Variants in RINT1 observed in about 807,000 individuals in gnomAD.
RINT1 encodes the protein RAD50 interactor 1, also known as RAD50-interacting protein 1.
In RINT1, 75 loss-of-function variants were observed where a neutral mutation model predicts 97.7. The observed-to-expected ratio is 0.77, with a 90% CI of 0.64 to 0.93. The LOEUF (loss-of-function observed/expected upper bound fraction) is 0.93, where lower values mean the gene tolerates loss of function less well. RINT1 is among the 40% of genes least tolerant of loss of function. RINT1 has a pLI of 0.00. For synonymous variants in RINT1, 303 were observed against 326.3 expected, an observed-to-expected ratio of 0.93 and a Z score of 0.77; for missense variants, 892 against 925.2, an observed-to-expected ratio of 0.96 and a Z score of 0.47.
rs757339645 is a variant in RINT1, at chr7:105,555,166, G to A, written c.1610G>A (p.Cys537Tyr). Residue 537 changes from cysteine (C) to tyrosine (Y), a missense_variant, in exon 11 of 15, where the codon TGT becomes TAT. Physicochemically the swap from Cys to Tyr is radical, Grantham distance 194. Transcript: ENST00000257700. The stretch of plus-strand genomic sequence containing the variant: ...AGAGCTTCCCTTGGCTTTCGATACT[G>A]TGCAATTCTTAATGCTGTGAACTAC... ...ETRASLGFRY[C>Y]AILNAVNYIS... 3 of 1,614,076 alleles carry A rather than the reference G, an allele frequency of 1.9e-6. No individual in the cohort carries two copies. The highest frequency in any genetic ancestry group is 3.3e-5 in the Admixed American group (2 of 60,008).
chr7:105,541,351 G>C (rs1185419043), intron 3 of RINT1, among the ~76,000 whole-genome samples: 1 of 150,808 alleles, frequency 6.6e-6, no homozygotes, highest in East Asian at 2.0e-4. Flanking sequence ...TGGCCAGGCT[G>C]GTCTTGAACT....
At chr7:105,540,208 T>C (rs922737425) in intron 3 of RINT1, among the ~76,000 whole-genome samples, 1 of 151,732 alleles carries the variant, frequency 6.6e-6, no homozygotes, top group Non-Finnish European at 1.5e-5. Context: ...GCCTCCTGAA[T>C]AGCTGGGATT....
chr7:105,553,256 G>A (rs547767825), intron 10 of RINT1, among the ~76,000 whole-genome samples: 44 of 149,144 alleles, frequency 3.0e-4, no homozygotes, highest in African/African-American at 8.9e-4. Context: ...ACAGAATTTC[G>A]CTCTTGTCAC....
Position 105,542,547 on chromosome 7 carries a change from C to T in RINT1, c.413C>T (p.Ala138Val), listed in dbSNP as rs150793856. ...FSAINSHLLT[A>V]QPWMDDLGTM... ...GCCATTAACAGCCATTTGCTGACTGCGCAACCTTGGATGGACGATCTTGGA... is the reference window on the plus strand; with the variant it reads ...GCCATTAACAGCCATTTGCTGACTGTGCAACCTTGGATGGACGATCTTGGA... Residue 138 changes from alanine to valine, a missense_variant, in exon 4 of 15, where the codon GCG becomes GTG. Transcript: ENST00000257700. 1,259 of 1,614,134 alleles carry T rather than the reference C, an allele frequency of 7.8e-4. 1 individual carries two copies. The highest frequency in any genetic ancestry group is 9.7e-4 in the Non-Finnish European group (1,146 of 1,180,030).
chr7:105,557,450 A>G (rs969232107), intron 11 of RINT1, among the ~76,000 whole-genome samples: 1 of 152,162 alleles, frequency 6.6e-6, no homozygotes, highest in Non-Finnish European at 1.5e-5. Context: ...ATATCTGTAC[A>G]TTATCTTAAT....
At chr7:105,548,915 C>G (rs1790802739) in intron 7 of RINT1, among the ~76,000 whole-genome samples, 1 of 151,934 alleles carries the variant, frequency 6.6e-6, no homozygotes. Flanking sequence ...TATTTCCGCT[C>G]TTGGGCATCA....
rs750282703 is a variant in RINT1 at position 105,567,221 on chromosome 7, A to G, written c.2289A>G (p.Ala763=). 1 of 1,613,632 alleles carries G rather than the reference A, an allele frequency of 6.2e-7. No homozygotes were observed. The highest frequency in any genetic ancestry group is 1.1e-5 in the South Asian group (1 of 90,880). ...CAGGGCAGCTTCCTGCCACAGCAGC[A>G]TTAAATGAAGTTGGAATTTACAAAC... ...SASGQLPATA[A]LNEVGIYKLA... is the part of the protein sequence containing the mutation. The change falls in exon 15 of 15, where the codon GCA becomes GCG. Residue 763 remains alanine (A), a synonymous_variant. Transcript: ENST00000257700.
intron 3 of RINT1, among the ~76,000 whole-genome samples, chr7:105,538,670 C>G (rs183250965): frequency 4.6e-5 from 7 of 152,332 alleles, no homozygotes; most frequent in Admixed American, 3.9e-4. Context: ...TCTACCCAAC[C>G]TGTCCATTCT....
intron 2 of RINT1, chr7:105,535,786 C>T (rs1272157310): frequency 3.3e-6 from 1 of 307,602 alleles, no homozygotes; most frequent in South Asian, 2.7e-5. Flanking sequence ...GATCCTCCTG[C>T]CTTGGCCTCC....
chr7:105,562,132 C>T (rs1483441463), intron 11 of RINT1, among the ~76,000 whole-genome samples: 2 of 152,158 alleles, frequency 1.3e-5, no homozygotes, highest in African/African-American at 4.8e-5. Flanking sequence ...GCAAACTCTT[C>T]TGCTTTTTCC....
Position 105,536,633 on chromosome 7 carries a change from C to T in RINT1, c.157C>T (p.Pro53Ser), listed in dbSNP as rs1255155502. 7 of 1,612,050 alleles carry T rather than the reference C, an allele frequency of 4.3e-6. No individual in the cohort carries two copies. Among genetic ancestry groups the T allele is most frequent in the African/African-American group, 2.7e-5 (2 of 74,824 alleles). Residue 53 changes from proline (P) to serine (S), a missense_variant, in exon 3 of 15, where the codon CCT becomes TCT. Transcript: ENST00000257700. ...TGAAGGTACAGATAATGGTGATCTC[C>T]CTTCTTATGTGTCTGCATTCATAGA... The part of the protein sequence containing the change: ...VSEGTDNGDL[P>S]SYVSAFIEKE...
intron 11 of RINT1, among the ~76,000 whole-genome samples, chr7:105,559,177 CTGACG>C (rs1791317057): frequency 1.3e-5 from 2 of 149,444 alleles, no homozygotes; most frequent in African/African-American, 5.1e-5. Context: ...GGTGGATCAC[CTGACG>C]TCAGGAGTTT....
At chr7:105,561,862 G>A (rs193113442) in intron 11 of RINT1, among the ~76,000 whole-genome samples, 86 of 151,704 alleles carry the variant, frequency 5.7e-4, no homozygotes, top group African/African-American at 2.0e-3. Flanking sequence ...ACGCCTGGCC[G>A]ATAGTGTCAT....
At chr7:105,566,071 C>T (rs2133484820) in intron 14 of RINT1, among the ~76,000 whole-genome samples, 1 of 151,786 alleles carries the variant, frequency 6.6e-6, no homozygotes, top group Admixed American at 6.6e-5. Context: ...AGATCGAGAC[C>T]ATCCTGGCTA....
rs148050825 is a variant in RINT1, at chr7:105,547,226, C to T, written c.732C>T (p.Ile244=). ...EILAQLHWPF[I]APPQSQTVGL... Reference sequence around the variant, plus strand: ...TAGCACAGCTTCATTGGCCATTCATCGCACCCCCTCAATCACAAACTGTTG... The same window carrying T: ...TAGCACAGCTTCATTGGCCATTCATTGCACCCCCTCAATCACAAACTGTTG... Residue 244 remains isoleucine (I), a synonymous_variant, in exon 6 of 15, where the codon ATC becomes ATT. Coordinates refer to ENST00000257700, the MANE Select transcript of RINT1 (RefSeq NM_021930.6). 1,732 of 1,614,158 alleles carry T rather than the reference C, an allele frequency of 1.1e-3. 14 individuals carry two copies. In the African/African-American group the frequency reaches 0.021, roughly 19 times the overall value.
At position 105,557,718 on chromosome 7, in the gene RINT1, A is replaced by G. The variant is rs2133436489; in HGVS notation, c.1671+2491A>G. Among the ~76,000 whole-genome samples, 2 of 152,268 alleles carry G rather than the reference A, an allele frequency of 1.3e-5. 1 individual carries two copies. The highest frequency in any genetic ancestry group is 4.1e-4 in the South Asian group (2 of 4,828). ...CATAATACCTATTTTAATGTGAAAG[A>G]AAAAGCCAAACAAAAACCATTTTTA... On this transcript the variant is annotated intron_variant, in intron 11 of 14. Coordinates refer to ENST00000257700, the MANE Select transcript of RINT1 (RefSeq NM_021930.6).
intron 3 of RINT1, among the ~76,000 whole-genome samples, chr7:105,539,989 T>C (rs569974190): frequency 3.3e-5 from 5 of 152,314 alleles, no homozygotes; most frequent in African/African-American, 1.2e-4. Flanking sequence ...GAAATTATTC[T>C]ATAATGTTCT....
At chr7:105,563,479 A>G (rs1275748991) in intron 11 of RINT1, among the ~76,000 whole-genome samples, 3 of 152,030 alleles carry the variant, frequency 2.0e-5, no homozygotes, top group Non-Finnish European at 4.4e-5. Context: ...TTACAGGCAC[A>G]TGCCACCACA....
At position 105,567,531 on chromosome 7, in the gene RINT1, A is replaced by C. The variant is rs918965615; in HGVS notation, c.*220A>C. 8.8e-6 allele frequency: 6 copies of C among 684,692 alleles called. No individual in the cohort carries two copies. The East Asian group carries it at 1.6e-4, about 18-fold the overall frequency. 42.4% of individuals were successfully genotyped at this position (684,692 alleles called of 1,614,324 possible). A position where few individuals can be genotyped will look rare whatever the true frequency, so the allele number is the denominator to read the frequency against. On this transcript the variant is annotated 3_prime_UTR_variant, in exon 15 of 15. Coordinates refer to ENST00000257700, the MANE Select transcript of RINT1 (RefSeq NM_021930.6). ...CAGAAAACGAAACAATGAAAACTCAATTCTATTTACAAGTATAAATGCTGA... is the reference window on the plus strand; with the variant it reads ...CAGAAAACGAAACAATGAAAACTCACTTCTATTTACAAGTATAAATGCTGA...
Sources: allele counts gnomAD v4.1 joint callset (sites outside exome capture counted in the v4.1 genomes callset), GRCh38; gene constraint gnomAD v4.1.1; transcripts MANE v1.5; gene names NCBI Gene and HGNC (gene_info 2026-07-23, HGNC 2026-07-21).